LSM11: variants seen among roughly 807,000 people sequenced by gnomAD.
LSM11 encodes the protein LSM11, U7 small nuclear RNA associated, also known as U7 snRNA-associated Sm-like protein LSm11.
A neutral mutation model predicts 28.1 loss-of-function variants in LSM11; 14 were observed. The ratio of observed to expected loss-of-function variants is 0.50; its 90% CI spans 0.33 to 0.78. LSM11 has a LOEUF of 0.78. LSM11 is among the 30% of genes least tolerant of loss of function. The pLI is 0.02. For missense variants in LSM11, 495 were observed against 510.6 expected, an observed-to-expected ratio of 0.97 and a Z score of 0.30; for synonymous variants, 207 against 214.2, an observed-to-expected ratio of 0.97 and a Z score of 0.30.
Position 157,754,864 on chromosome 5 carries a change from G to A in LSM11, c.683G>A (p.Arg228Gln), listed in dbSNP as rs542499068. The A allele has an allele frequency of 1.1e-4, 170 of 1,612,870 alleles. No individual in the cohort carries two copies. Among genetic ancestry groups the A allele is most frequent in the South Asian group, 3.3e-4 (30 of 90,950 alleles). Reference protein sequence around the residue: ...SSLTLTRLFDRLKLQDSSKKE... With the variant: ...SSLTLTRLFDQLKLQDSSKKE... ...TTGTTTGCTTTATAGCTATTTGATCGGCTGAAACTTCAAGATTCCTCCAAG... is the reference window on the plus strand; with the variant it reads ...TTGTTTGCTTTATAGCTATTTGATCAGCTGAAACTTCAAGATTCCTCCAAG... Residue 228 changes from arginine (R) to glutamine (Q), a missense_variant, in exon 4 of 4, where the codon CGG (arginine) becomes CAG (glutamine). Coordinates refer to ENST00000286307, the MANE Select transcript of LSM11 (RefSeq NM_173491.4).
At chr5:157,753,607 C>G (rs1216006877) in intron 2 of LSM11, among the ~76,000 whole-genome samples, 1 of 152,224 alleles carries the variant, frequency 6.6e-6, no homozygotes, top group Admixed American at 6.5e-5. Context: ...CATCCTGCAT[C>G]AGAATCACCT....
intron 2 of LSM11, among the ~76,000 whole-genome samples, chr5:157,753,127 C>G (rs564058786): frequency 1.3e-5 from 2 of 152,278 alleles, no homozygotes; most frequent in African/African-American, 4.8e-5. Context: ...GGTCGCAGAT[C>G]ACACTGTTAG....
rs1200012183 is a variant in LSM11, at chr5:157,760,522, C to T, written c.*5258C>T. ...ACTCTACGTATCTATAGTTTCACTGCTCATATACCAGCTGCTACAAGAAAA... is the reference window on the plus strand; with the variant it reads ...ACTCTACGTATCTATAGTTTCACTGTTCATATACCAGCTGCTACAAGAAAA... On this transcript the variant is annotated 3_prime_UTR_variant, in exon 4 of 4. Coordinates refer to ENST00000286307, the MANE Select transcript of LSM11 (RefSeq NM_173491.4). The T allele has an allele frequency of 6.6e-6, 1 of 152,174 alleles. No homozygotes were observed. The highest frequency in any genetic ancestry group is 1.9e-4 in the East Asian group (1 of 5,202). 9.4% of individuals were successfully genotyped at this position (152,174 alleles called of 1,614,324 possible). A position where few individuals can be genotyped will look rare whatever the true frequency, so the allele number is the denominator to read the frequency against.
chr5:157,750,064 GGAAAGAGTGAGACTGTGTACGCACGA>G (rs1246854873), intron 1 of LSM11, among the ~76,000 whole-genome samples: 29 of 152,166 alleles, frequency 1.9e-4, no homozygotes, highest in African/African-American at 7.0e-4. Context: ...TGCAAACTTG[GGAAAGAGTGAGACTGTGTACGCACGA>G]GAAAGAGAGA....
In LSM11 at chr5:157,743,845, A is replaced by T; in HGVS notation, c.95A>T (p.Asp32Val). 1 of 1,551,224 alleles carries T rather than the reference A, an allele frequency of 6.4e-7. No homozygotes were observed. Among genetic ancestry groups the T allele is most frequent in the Non-Finnish European group, 8.7e-7 (1 of 1,151,316 alleles). Residue 32 changes from aspartate (D) to valine (V), a missense_variant, in exon 1 of 4, where the codon GAC (aspartate) becomes GTC (valine). Physicochemically the swap from Asp to Val is radical, Grantham distance 152 (BLOSUM62 -3). Transcript: ENST00000286307. Reference protein sequence around the residue: ...PRLDVSSDSFDPLLALYAPRL... With the variant: ...PRLDVSSDSFVPLLALYAPRL... ...CTGGATGTCAGCTCTGACAGCTTCG[A>T]CCCGCTGCTGGCCCTGTACGCGCCC...
At position 157,757,447 on chromosome 5, in the gene LSM11, A is replaced by G. The variant is rs1048930615; in HGVS notation, c.*2183A>G. The G allele has an allele frequency of 6.6e-6, 1 of 152,214 alleles. No individual in the cohort carries two copies. Among genetic ancestry groups the G allele is most frequent in the Non-Finnish European group, 1.5e-5 (1 of 68,050 alleles). 9.4% of individuals were successfully genotyped at this position (152,214 alleles called of 1,614,324 possible). A position where few individuals can be genotyped will look rare whatever the true frequency, so the allele number is the denominator to read the frequency against. ...TGGTAGCACCAAATGGAGAATGAGC[A>G]TCTAAAAATGACACATCCCGAAAGG... On this transcript the variant is annotated 3_prime_UTR_variant, in exon 4 of 4. Transcript: ENST00000286307.
rs779844908 is a variant in LSM11, at chr5:157,743,863, A to G, written c.113A>G (p.Tyr38Cys). The G allele has an allele frequency of 6.4e-7, 1 of 1,559,558 alleles. No individual in the cohort carries two copies. Among genetic ancestry groups the G allele is most frequent in the Non-Finnish European group, 8.7e-7 (1 of 1,155,604 alleles). ...SDSFDPLLALYAPRLPPIPYP... is the reference protein window; with the variant it reads ...SDSFDPLLALCAPRLPPIPYP... ...AGCTTCGACCCGCTGCTGGCCCTGT[A>G]CGCGCCCCGCCTGCCTCCCATTCCC... Residue 38 changes from tyrosine to cysteine, a missense_variant, in exon 1 of 4, where the codon TAC becomes TGC. Physicochemically the swap from Tyr to Cys is radical, Grantham distance 194 (BLOSUM62 -2). Transcript: ENST00000286307.
At position 157,744,098 on chromosome 5, in the gene LSM11, C is replaced by T; in HGVS notation, c.348C>T (p.Leu116=). The T allele has an allele frequency of 6.7e-7, 1 of 1,487,452 alleles. No homozygotes were observed. The allele number at this position is 1,487,452 out of a possible 1,614,324, so 92.1% of individuals were successfully genotyped here. The change falls in exon 1 of 4, where the codon CTC becomes CTT. Residue 116 remains leucine, a synonymous_variant. Coordinates refer to ENST00000286307, the MANE Select transcript of LSM11 (RefSeq NM_173491.4). ...AGCGCATCCAGCGCCTCCGCCGTCT[C>T]ATGGTGGCCAAAGAGGAAGGGGACG... ...DPERIQRLRR[L]MVAKEEGDGA... is the part of the protein sequence containing the mutation.
intron 1 of LSM11, among the ~76,000 whole-genome samples, chr5:157,746,511 G>A (rs930172663): frequency 6.6e-6 from 1 of 152,222 alleles, no homozygotes; most frequent in Admixed American, 6.5e-5. Flanking sequence ...GCAAAATTAA[G>A]TGTAATGGTG....
At chr5:157,746,257 C>T (rs1761146047) in intron 1 of LSM11, among the ~76,000 whole-genome samples, 1 of 152,144 alleles carries the variant, frequency 6.6e-6, no homozygotes, top group Non-Finnish European at 1.5e-5. Context: ...GAAAAAAATG[C>T]CTATGCATTT....
In LSM11 at chr5:157,743,969, GCGCGGGCGGGCTCGGGGCGCGGC is replaced by G; in HGVS notation, c.227_249del (p.Arg76LeufsTer75). 3 of 1,287,856 alleles carry G rather than the reference GCGCGGGCGGGCTCGGGGCGCGGC, an allele frequency of 2.3e-6. No homozygotes were observed. The highest frequency in any genetic ancestry group is 2.6e-5 in the South Asian group (1 of 38,328). The allele number at this position is 1,287,856 out of a possible 1,614,324, so 79.8% of individuals were successfully genotyped here. On this transcript the variant is annotated frameshift_variant, in exon 1 of 4. Coordinates refer to ENST00000286307, the MANE Select transcript of LSM11 (RefSeq NM_173491.4). LOFTEE classifies it high-confidence loss of function. ...CCGGAGTCCGGGGCGGCGGGCGCGGGCGCGGGCGGGCTCGGGGCGCGGCCGCGGGCTCTGGGGTTCCCGCCGCA... is the reference window on the plus strand; with the variant it reads ...CCGGAGTCCGGGGCGGCGGGCGCGGGCGCGGGCTCTGGGGTTCCCGCCGCA...
intron 1 of LSM11, among the ~76,000 whole-genome samples, chr5:157,750,245 T>C (rs1056166051): frequency 1.3e-5 from 2 of 152,160 alleles, no homozygotes; most frequent in African/African-American, 4.8e-5. Flanking sequence ...TGAGACCCTG[T>C]CTCAGGAAAA....
In LSM11 at chr5:157,754,101, C is replaced by A; in HGVS notation, c.672+14C>A. Reference sequence around the variant, plus strand: ...ACTCTCACTAGGGTAGGCAGTTTTCCCCTGACCTCCTGAGTAGCCATCATG... The same window carrying A: ...ACTCTCACTAGGGTAGGCAGTTTTCACCTGACCTCCTGAGTAGCCATCATG... On this transcript the variant is annotated intron_variant, in intron 3 of 3. Transcript: ENST00000286307. 6.6e-7 allele frequency: 1 copy of A among 1,521,006 alleles called. No individual in the cohort carries two copies. Among genetic ancestry groups the A allele is most frequent in the Non-Finnish European group, 8.8e-7 (1 of 1,129,980 alleles). The allele number at this position is 1,521,006 out of a possible 1,614,324, so 94.2% of individuals were successfully genotyped here.
rs769842787 is a variant in LSM11 at position 157,754,031 on chromosome 5, C to T, written c.616C>T (p.Arg206Ter). 5 of 1,577,966 alleles carry T rather than the reference C, an allele frequency of 3.2e-6. No homozygotes were observed. Among genetic ancestry groups the T allele is most frequent in the East Asian group, 2.4e-5 (1 of 42,106 alleles). Residue 206 changes from arginine (R) to a stop codon, truncating the protein, a stop_gained, in exon 3 of 4, where the codon CGA (arginine) becomes TGA (stop). Coordinates refer to ENST00000286307, the MANE Select transcript of LSM11 (RefSeq NM_173491.4). LOFTEE classifies it high-confidence loss of function. ...MALTDVDETY[R>*]KPVLGKAYER... ...ACTTACTGATGTGGATGAGACCTAC[C>T]GAAAACCTGTCCTAGGCAAAGCATA... is the stretch of plus-strand genomic sequence containing the variant.
At chr5:157,750,780 C>T (rs1561620272) in intron 1 of LSM11, among the ~76,000 whole-genome samples, 2 of 151,718 alleles carry the variant, frequency 1.3e-5, no homozygotes, top group South Asian at 2.1e-4. Flanking sequence ...TTTGCGTGCC[C>T]GTGTGTGTGT....
chr5:157,744,290 G>C (rs1581448453), intron 1 of LSM11, 92 bp downstream of exon 1: 4 of 989,482 alleles, frequency 4.0e-6, no homozygotes, highest in African/African-American at 3.4e-5. Flanking sequence ...GGCCGGGCGC[G>C]GGTCTGCACG....
At position 157,743,956 on chromosome 5, in the gene LSM11, G is replaced by A. The variant is rs766058792; in HGVS notation, c.206G>A (p.Gly69Asp). Residue 69 changes from glycine (G) to aspartate (D), a missense_variant, in exon 1 of 4, where the codon GGC (glycine) becomes GAC (aspartate). Transcript: ENST00000286307. ...YESFLRTGVR[G>D]GGRGRGRARG... Reference sequence around the variant, plus strand: ...AGCTTCCTCAGGACCGGAGTCCGGGGCGGCGGGCGCGGGCGCGGGCGGGCT... The same window carrying A: ...AGCTTCCTCAGGACCGGAGTCCGGGACGGCGGGCGCGGGCGCGGGCGGGCT... 3.0e-6 allele frequency: 4 copies of A among 1,338,924 alleles called. No individual in the cohort carries two copies. Among genetic ancestry groups the A allele is most frequent in the Non-Finnish European group, 3.8e-6 (4 of 1,042,632 alleles). 82.9% of individuals were successfully genotyped at this position (1,338,924 alleles called of 1,614,324 possible). A position where few individuals can be genotyped will look rare whatever the true frequency, so the allele number is the denominator to read the frequency against.
rs2279770 is a variant in LSM11, at chr5:157,756,731, G to A, written c.*1467G>A. The A allele has an allele frequency of 0.35, 53,729 of 151,970 alleles. 9,642 individuals carry two copies. Among genetic ancestry groups the A allele is most frequent in the East Asian group, 0.56 (2,871 of 5,154 alleles). The allele number at this position is 151,970 out of a possible 1,614,324, so 9.4% of individuals were successfully genotyped here. A position where few individuals can be genotyped will look rare whatever the true frequency, so the allele number is the denominator to read the frequency against. The stretch of plus-strand genomic sequence containing the variant: ...CCCCACAGACACCTACCTCACAGGG[G>A]CATTGAGAAAAAAAAAATGAAGGCA... On this transcript the variant is annotated 3_prime_UTR_variant, in exon 4 of 4. Transcript: ENST00000286307.
chr5:157,747,902 T>C (rs1250146226), intron 1 of LSM11, among the ~76,000 whole-genome samples: 1 of 152,160 alleles, frequency 6.6e-6, no homozygotes, highest in Non-Finnish European at 1.5e-5. Flanking sequence ...AATTCAGCCT[T>C]GTCACTTTTC....
Sources: gnomAD v4.1 joint callset for allele counts (sites outside exome capture counted in the v4.1 genomes callset) on GRCh38, gnomAD v4.1.1 for gene constraint, MANE v1.5 for transcripts, NCBI Gene and HGNC (gene_info 2026-07-23, HGNC 2026-07-21) for gene names.